The following C12orf56 variants were observed in gnomAD, a reference collection of about 807,000 sequenced individuals.
The protein encoded by C12orf56 is chromosome 12 open reading frame 56, also known as uncharacterized protein C12orf56.
C12orf56 carries 71 observed loss-of-function variants against 69.9 expected under a neutral mutation model. The ratio of observed to expected loss-of-function variants is 1.02; its 90% CI spans 0.84 to 1.24. The LOEUF (loss-of-function observed/expected upper bound fraction) is 1.24, where lower values mean the gene tolerates loss of function less well. Among genes scored for constraint, C12orf56 ranks in the 50% most tolerant of loss-of-function variants. C12orf56 has a pLI of 0.00. For missense variants in C12orf56, 732 were observed against 738.5 expected, an observed-to-expected ratio of 0.99 and a Z score of 0.10; for synonymous variants, 276 against 274.1, an observed-to-expected ratio of 1.01 and a Z score of -0.07.
intron 6 of C12orf56, among the ~76,000 whole-genome samples, chr12:64,300,435 G>A (rs1230030626): frequency 6.6e-6 from 1 of 152,076 alleles, no homozygotes; most frequent in East Asian, 1.9e-4. Flanking sequence ...ATCCCATTAG[G>A]AATACACATC....
intron 1 of C12orf56, among the ~76,000 whole-genome samples, chr12:64,363,772 T>C (rs1212444964): frequency 6.6e-6 from 1 of 152,186 alleles, no homozygotes; most frequent in Non-Finnish European, 1.5e-5. Flanking sequence ...GTCGTCCTTT[T>C]GGATCTTTTT....
At position 64,366,863 on chromosome 12, in the gene C12orf56, A is replaced by G. The variant is rs1447019976; in HGVS notation, c.253-13807T>C. Among the ~76,000 whole-genome samples the G allele has an allele frequency of 5.5e-5, 7 of 126,314 alleles. 1 individual carries two copies. The highest frequency in any genetic ancestry group is 2.2e-4 in the East Asian group (1 of 4,568). The allele number at this position is 126,314 out of a possible 152,430, so 82.9% of individuals were successfully genotyped here. On this transcript the variant is annotated intron_variant, in intron 1 of 12. Transcript: ENST00000543942. ...ATAACATACAGTTTATATATATTAT[A>G]TAACATACAGTTTATATATATTATA...
At chr12:64,273,370 C>T (rs1357214944) in intron 11 of C12orf56, among the ~76,000 whole-genome samples, 2 of 151,796 alleles carry the variant, frequency 1.3e-5, no homozygotes, top group Non-Finnish European at 2.9e-5. Context: ...TTAGATTACT[C>T]TTTTGAAGAG....
At chr12:64,381,045 C>T (rs1272288454) in intron 1 of C12orf56, among the ~76,000 whole-genome samples, 1 of 152,048 alleles carries the variant, frequency 6.6e-6, no homozygotes, top group African/African-American at 2.4e-5. Context: ...TCATGCAGGG[C>T]CAGCTGTATG....
At chr12:64,369,508 T>C (rs1035479516) in intron 1 of C12orf56, among the ~76,000 whole-genome samples, 1 of 152,140 alleles carries the variant, frequency 6.6e-6, no homozygotes, top group Non-Finnish European at 1.5e-5. Flanking sequence ...TTAAAATGTA[T>C]TTTTTGTTTG....
intron 2 of C12orf56, among the ~76,000 whole-genome samples, chr12:64,339,057 T>G (rs1419321461): frequency 6.6e-6 from 1 of 152,238 alleles, no homozygotes; most frequent in Non-Finnish European, 1.5e-5. Flanking sequence ...CCCCTTTGCT[T>G]TGTCTTGTCA....
chr12:64,284,618 A>T, intron 8 of C12orf56, 46 bp downstream of exon 8: 1 of 1,361,746 alleles, frequency 7.3e-7, no homozygotes, highest in Non-Finnish European at 1.0e-6. Context: ...AAGAATAGTT[A>T]ATGGGTTGCA....
In C12orf56 at chr12:64,302,971, A is replaced by G. The variant is rs796280131; in HGVS notation, c.1113+664T>C. The stretch of plus-strand genomic sequence containing the variant: ...GGCAACAGAGTGAGACCCTGTGTCT[A>G]TTTAAAAAATAAACAAACAGGCAGG... On this transcript the variant is annotated intron_variant, in intron 6 of 12. Coordinates refer to ENST00000543942, the MANE Select transcript of C12orf56 (RefSeq NM_001170633.2). 6.6e-5 allele frequency among the ~76,000 whole-genome samples: 10 copies of G among 152,202 alleles called. 1 individual carries two copies. Among genetic ancestry groups the G allele is most frequent in the African/African-American group, 2.2e-4 (9 of 41,548 alleles).
chr12:64,357,104 C>A (rs1157336143), intron 1 of C12orf56, among the ~76,000 whole-genome samples: 4 of 150,490 alleles, frequency 2.7e-5, no homozygotes, highest in African/African-American at 7.3e-5. Context: ...TCAGCAGGCT[C>A]CTAAAAAAAA....
intron 9 of C12orf56, among the ~76,000 whole-genome samples, chr12:64,276,008 C>A (rs536206786): frequency 6.6e-6 from 1 of 151,708 alleles, no homozygotes; most frequent in Non-Finnish European, 1.5e-5. Flanking sequence ...CACACCCCCC[C>A]CCGCGAGTTG....
chr12:64,320,522 C>T (rs1454522683), intron 3 of C12orf56, among the ~76,000 whole-genome samples: 1 of 152,160 alleles, frequency 6.6e-6, no homozygotes, highest in Non-Finnish European at 1.5e-5. Context: ...TTCTGATTTT[C>T]CCAATAGCAT....
chr12:64,350,463 T>C (rs2039207723), intron 2 of C12orf56, among the ~76,000 whole-genome samples: 1 of 152,266 alleles, frequency 6.6e-6, no homozygotes, highest in Admixed American at 6.5e-5. Flanking sequence ...AGAAACTGGT[T>C]GTTTTACCAA....
At chr12:64,373,211 A>C (rs909392714) in intron 1 of C12orf56, among the ~76,000 whole-genome samples, 1 of 152,060 alleles carries the variant, frequency 6.6e-6, no homozygotes, top group Non-Finnish European at 1.5e-5. Flanking sequence ...TCCATATGAA[A>C]TCTAATATGG....
At chr12:64,294,946 G>A (rs1450387483) in intron 6 of C12orf56, among the ~76,000 whole-genome samples, 1 of 151,634 alleles carries the variant, frequency 6.6e-6, no homozygotes, top group African/African-American at 2.4e-5. Flanking sequence ...TGTCGCCCAG[G>A]CTGGAGTGCA....
chr12:64,306,444 GTCT>G (rs2038513626), intron 5 of C12orf56, among the ~76,000 whole-genome samples: 1 of 148,006 alleles, frequency 6.8e-6, no homozygotes, highest in Non-Finnish European at 1.5e-5. Flanking sequence ...TTTAGACAGA[GTCT>G]TCTTCTGTCA....
intron 5 of C12orf56, among the ~76,000 whole-genome samples, chr12:64,308,460 A>C (rs1238862090): frequency 6.6e-6 from 1 of 152,078 alleles, no homozygotes; most frequent in Admixed American, 6.6e-5. Context: ...CTTTCAAAAA[A>C]TTTTTTTCTA....
chr12:64,381,362 T>C (rs2039717978), intron 1 of C12orf56, among the ~76,000 whole-genome samples: 1 of 152,176 alleles, frequency 6.6e-6, no homozygotes, highest in Non-Finnish European at 1.5e-5. Context: ...CTGGAGCAAT[T>C]TGAGGAGAGT....
intron 2 of C12orf56, among the ~76,000 whole-genome samples, chr12:64,347,831 A>G (rs1217341203): frequency 6.6e-6 from 1 of 152,258 alleles, no homozygotes; most frequent in East Asian, 1.9e-4. Flanking sequence ...GGCAAAATGC[A>G]GATGTCATCA....
At chr12:64,374,482 A>G (rs2039614641) in intron 1 of C12orf56, among the ~76,000 whole-genome samples, 1 of 152,130 alleles carries the variant, frequency 6.6e-6, no homozygotes, top group South Asian at 2.1e-4. Context: ...CACCATATTT[A>G]TATTTGCAAC....
Sources: gnomAD v4.1 joint callset for allele counts (sites outside exome capture counted in the v4.1 genomes callset) on GRCh38, gnomAD v4.1.1 for gene constraint, MANE v1.5 for transcripts, NCBI Gene and HGNC (gene_info 2026-07-23, HGNC 2026-07-21) for gene names.